Variants in ITGAE observed in about 807,000 individuals in gnomAD.
ITGAE encodes integrin subunit alpha E.
ITGAE carries 99 observed loss-of-function variants against 136.5 expected under a neutral mutation model. The observed-to-expected ratio is 0.73, with a 90% CI of 0.62 to 0.86. The LOEUF is 0.86. Ranked by LOEUF, ITGAE falls within the 40% of genes least tolerant of loss-of-function variation. The pLI, the probability that ITGAE is intolerant of heterozygous loss-of-function variation, is 0.00. For missense variants in ITGAE, 1,447 were observed against 1,515.3 expected (o/e 0.95, Z 0.75); for synonymous variants, 613 against 591.8 (o/e 1.04, Z -0.52).
intron 1 of ITGAE, among the ~76,000 whole-genome samples, chr17:3,791,341 G>C (rs933378450): frequency 6.6e-6 from 1 of 151,886 alleles, no homozygotes; most frequent in Non-Finnish European, 1.5e-5. Context: ...GGAGTGCAGT[G>C]GTGCGATCTC....
intron 1 of ITGAE, among the ~76,000 whole-genome samples, chr17:3,792,267 A>G (rs1164180221): frequency 2.6e-5 from 4 of 152,012 alleles, no homozygotes; most frequent in South Asian, 4.2e-4. Flanking sequence ...GATTATAGGC[A>G]CGCACCACCA....
chr17:3,782,851 T>G (rs1170449126), intron 1 of ITGAE, among the ~76,000 whole-genome samples: 1 of 152,206 alleles, frequency 6.6e-6, no homozygotes, highest in Admixed American at 6.6e-5. Flanking sequence ...ATATAAGGAA[T>G]GACATTTGAC....
Position 3,760,192 on chromosome 17 carries a change from A to T in ITGAE, c.694T>A (p.Phe232Ile). 1.2e-6 allele frequency: 2 copies of T among 1,612,078 alleles called. No homozygotes were observed. Among genetic ancestry groups the T allele is most frequent in the Non-Finnish European group, 1.7e-6 (2 of 1,178,192 alleles). Residue 232 changes from phenylalanine to isoleucine, a missense_variant, in exon 7 of 31, where the codon TTC (phenylalanine) becomes ATC (isoleucine). This residue lies in a region of ITGAE where 310 missense variants were observed against 416.1 expected (regional missense o/e 0.74). Coordinates refer to ENST00000263087, the MANE Select transcript of ITGAE (RefSeq NM_002208.5). ...KDFISNMMRN[F>I]YEKCFECNFA... ...CCCACCTCAAAACACTTTTCATAGA[A>T]GTTCCTCATCATGTTGGAGATGAAG...
intron 26 of ITGAE, 76 bp from the exon 27 acceptor site, chr17:3,723,820 C>G (rs1345388152): frequency 1.3e-6 from 2 of 1,570,716 alleles, no homozygotes; most frequent in Non-Finnish European, 1.7e-6. Flanking sequence ...GGCCCCGGCC[C>G]TGGCGAGGTG....
At chr17:3,764,696 CATAAATAA>C (rs757192480) in intron 2 of ITGAE, among the ~76,000 whole-genome samples, 5 of 151,914 alleles carry the variant, frequency 3.3e-5, no homozygotes, top group African/African-American at 4.8e-5. Flanking sequence ...GACTTCGTCT[CATAAATAA>C]ATAAATAAAT....
At position 3,799,523 on chromosome 17, in the gene ITGAE, G is replaced by C. The variant is rs569213618; in HGVS notation, c.34+1588C>G. 2.0e-5 allele frequency among the ~76,000 whole-genome samples: 3 copies of C among 152,162 alleles called. No homozygotes were observed. Among genetic ancestry groups the C allele is most frequent in the Admixed American group, 6.5e-5 (1 of 15,278 alleles). ...AGCCACAGGAGTATTCTGGAGCTGGGAGGCAGGACAGAGGCCTGGGCTTGA... is the reference window on the plus strand; with the variant it reads ...AGCCACAGGAGTATTCTGGAGCTGGCAGGCAGGACAGAGGCCTGGGCTTGA... On this transcript the variant is annotated intron_variant, in intron 1 of 30. Coordinates refer to ENST00000263087, the MANE Select transcript of ITGAE (RefSeq NM_002208.5). This position sits in a 1 kb window ranked among gnomAD's most constrained non-coding sequence, Gnocchi z 4.1.
intron 17 of ITGAE, 127 bp from the exon 18 acceptor site, chr17:3,746,054 C>G (rs555409241): frequency 2.0e-5 from 16 of 796,610 alleles, no homozygotes; most frequent in South Asian, 3.6e-5. Flanking sequence ...TACTTCCCTG[C>G]GGCTGGACTC....
At chr17:3,756,254 GAC>G (rs2052024352) in intron 10 of ITGAE, among the ~76,000 whole-genome samples, 1 of 101,020 alleles carries the variant, frequency 9.9e-6, no homozygotes, top group Admixed American at 1.4e-4. Flanking sequence ...TTTTTTTTGA[GAC>G]AGTGTCTCAC....
intron 24 of ITGAE, among the ~76,000 whole-genome samples, chr17:3,729,070 A>C (rs1038785305): frequency 1.3e-5 from 2 of 151,298 alleles, no homozygotes; most frequent in Non-Finnish European, 1.5e-5. Flanking sequence ...ATAAAAGCTG[A>C]ATGTCAAAAT....
At chr17:3,777,073 G>T (rs2052559299) in intron 2 of ITGAE, among the ~76,000 whole-genome samples, 1 of 151,118 alleles carries the variant, frequency 6.6e-6, no homozygotes, top group South Asian at 2.1e-4. Context: ...CCATTCTCCT[G>T]CCTCAGCCTC....
intron 11 of ITGAE, 126 bp from the exon 12 acceptor site, chr17:3,755,387 G>C: frequency 3.6e-6 from 4 of 1,124,680 alleles, no homozygotes; most frequent in Non-Finnish European, 4.9e-6. Flanking sequence ...GTGGTCTAGT[G>C]CCCGCCTGGC....
intron 9 of ITGAE, among the ~76,000 whole-genome samples, 166 bp downstream of exon 9, chr17:3,757,540 A>G (rs971744652): frequency 6.6e-6 from 1 of 152,166 alleles, no homozygotes; most frequent in African/African-American, 2.4e-5. Context: ...ACCATGGGGA[A>G]ATGAGCCCTC....
chr17:3,726,365 G>A, intron 26 of ITGAE: 1 of 1,475,662 alleles, frequency 6.8e-7, no homozygotes, highest in Non-Finnish European at 9.3e-7. Flanking sequence ...GAAATGAGAG[G>A]AGACTGGTCT....
At position 3,745,778 on chromosome 17, in the gene ITGAE, G is replaced by T; in HGVS notation, c.2305C>A (p.Pro769Thr). The stretch of plus-strand genomic sequence containing the variant: ...CCGTCACTTACCTCTCCCTCTGTGG[G>T]CATGAGCAGGAGGTCCTCACAAAGC... ...SQLCEDLLLMPTEGELCEEDC... is the reference protein window; with the variant it reads ...SQLCEDLLLMTTEGELCEEDC... The change falls in exon 18 of 31, where the codon CCC (proline) becomes ACC (threonine). Residue 769 changes from proline (P) to threonine (T), a missense_variant. Physicochemically the swap from Pro to Thr is conservative, Grantham distance 38. Around this residue, in one of 3 missense-constraint regions of ITGAE, gnomAD observed 1,031 missense variants for 1,011.4 expected, o/e 1.02. Coordinates refer to ENST00000263087, the MANE Select transcript of ITGAE (RefSeq NM_002208.5). 1 of 1,613,914 alleles carries T rather than the reference G, an allele frequency of 6.2e-7. No individual in the cohort carries two copies. Among genetic ancestry groups the T allele is most frequent in the Non-Finnish European group, 8.5e-7 (1 of 1,179,948 alleles).
In ITGAE at chr17:3,749,317, C is replaced by G. The variant is rs190656777; in HGVS notation, c.2024+1035G>C. Among the ~76,000 whole-genome samples, 1,306 of 151,654 alleles carry G rather than the reference C, an allele frequency of 8.6e-3. 25 individuals carry two copies. Among genetic ancestry groups the G allele is most frequent in the African/African-American group, 0.03 (1,243 of 41,302 alleles). ...TCGCCCAGGCTGGAGTGCAGTGGCGCGATCTCCGCTCACTGCAAGCTCCGC... is the reference window on the plus strand; with the variant it reads ...TCGCCCAGGCTGGAGTGCAGTGGCGGGATCTCCGCTCACTGCAAGCTCCGC... On this transcript the variant is annotated intron_variant, in intron 16 of 30. Coordinates refer to ENST00000263087, the MANE Select transcript of ITGAE (RefSeq NM_002208.5).
At chr17:3,733,898 G>A (rs1041345458) in intron 21 of ITGAE, among the ~76,000 whole-genome samples, 22 of 152,200 alleles carry the variant, frequency 1.4e-4, no homozygotes, top group Admixed American at 1.1e-3. Flanking sequence ...CCCAGGGCCC[G>A]CTTCCTGGGA....
At position 3,750,475 on chromosome 17, in the gene ITGAE, C is replaced by G; in HGVS notation, c.1901G>C (p.Arg634Thr). ...GAGTCCTGGGGCCACCGTGGAGGCT[C>G]TGATCCGCTGTGGAGGCAGAAACAC... ...GLSASPSQRI[R>T]ASTVAPGLQY... Residue 634 changes from arginine (R) to threonine (T), a missense_variant, in exon 16 of 31, where the codon AGA becomes ACA. Physicochemically the swap from Arg to Thr is moderately conservative, Grantham distance 71 (BLOSUM62 -1). Coordinates refer to ENST00000263087, the MANE Select transcript of ITGAE (RefSeq NM_002208.5). 1 of 1,614,124 alleles carries G rather than the reference C, an allele frequency of 6.2e-7. No individual in the cohort carries two copies. The highest frequency in any genetic ancestry group is 8.5e-7 in the Non-Finnish European group (1 of 1,180,026).
At chr17:3,719,252 A>AAAAAAAAG (rs2051002521) in intron 29 of ITGAE, among the ~76,000 whole-genome samples, 6 of 130,312 alleles carry the variant, frequency 4.6e-5, no homozygotes, top group Non-Finnish European at 3.1e-5. Flanking sequence ...AAAAAAAAAA[A>AAAAAAAAG]AAAAGAAAAG....
intron 8 of ITGAE, 44 bp from the exon 9 acceptor site, chr17:3,757,903 G>T (rs140884869): frequency 1.2e-6 from 2 of 1,606,280 alleles, no homozygotes; most frequent in Admixed American, 3.3e-5. Flanking sequence ...TTGCCAGAAG[G>T]ATGACCGAGC....
Sources: gnomAD v4.1 joint callset for allele counts (sites outside exome capture counted in the v4.1 genomes callset) on GRCh38, gnomAD v4.1.1 for gene constraint, gnomAD v4.1.1 regional missense constraint, Gnocchi (gnomAD v3.1) non-coding constraint, MANE v1.5 for transcripts, NCBI Gene and HGNC (gene_info 2026-07-23, HGNC 2026-07-21) for gene names.